Variants in COL28A1 observed in about 807,000 individuals in gnomAD.
The protein encoded by COL28A1 is collagen type XXVIII alpha 1 chain, also known as collagen alpha-1(XXVIII) chain.
COL28A1 carries 161 observed loss-of-function variants against 150.2 expected under a neutral mutation model. The ratio of observed to expected loss-of-function variants is 1.07; its 90% confidence interval spans 0.94 to 1.22. The LOEUF (loss-of-function observed/expected upper bound fraction) is 1.22. COL28A1 is among the 50% of genes most tolerant of loss of function. The probability of loss-of-function intolerance (pLI) is 0.00; values close to 1 mark genes in which losing one functional copy is unlikely to be tolerated. For missense variants in COL28A1, 1,617 were observed against 1,388.3 expected, an observed-to-expected ratio of 1.16 and a Z score of -2.62; for synonymous variants, 552 against 469.7, an observed-to-expected ratio of 1.18 and a Z score of -2.26.
At chr7:7,349,859 G>C in the COL28A1 span, among the ~76,000 whole-genome samples, 2 of 152,170 alleles carry the variant, frequency 1.3e-5, no homozygotes, top group Admixed American at 6.6e-5. Context: ...GGTAGGGAGA[G>C]AGTAAGGGAG....
intron 7 of COL28A1, among the ~76,000 whole-genome samples, chr7:7,517,226 G>A (rs571987785): frequency 5.3e-5 from 8 of 152,076 alleles, no homozygotes; most frequent in Non-Finnish European, 1.2e-4. Context: ...GGGACAAGCA[G>A]AGAGGGGCAA....
intron 4 of COL28A1, among the ~76,000 whole-genome samples, chr7:7,522,531 C>T (rs1344739780): frequency 1.3e-5 from 2 of 152,102 alleles, no homozygotes; most frequent in South Asian, 2.1e-4. Context: ...TCAGTCATGA[C>T]AAAGTAGTTG....
intron 15 of COL28A1, among the ~76,000 whole-genome samples, chr7:7,474,070 A>AATATATATATATATGGAATAT (rs1788674820): frequency 1.4e-5 from 2 of 143,074 alleles, no homozygotes; most frequent in African/African-American, 5.2e-5. Context: ...ATATATATGG[A>AATATATATATATATGGAATAT]ATATATATAT....
chr7:7,377,149 G>T (rs949020729), intron 30 of COL28A1, among the ~76,000 whole-genome samples: 9 of 152,096 alleles, frequency 5.9e-5, no homozygotes, highest in Non-Finnish European at 1.2e-4. Flanking sequence ...TCACTTATAA[G>T]AGCAATGCAT....
At chr7:7,453,353 C>T (rs1411146764) in intron 17 of COL28A1, 87 bp downstream of exon 17, 1 of 802,440 alleles carries the variant, frequency 1.2e-6, no homozygotes, top group Admixed American at 2.0e-5. Flanking sequence ...TTCATTCTAC[C>T]TGCTGTCTTC....
chr7:7,342,499 A>C, the COL28A1 span, among the ~76,000 whole-genome samples: 4 of 151,696 alleles, frequency 2.6e-5, no homozygotes, highest in African/African-American at 4.9e-5. Context: ...TGATAGGACT[A>C]ACATTTTGTT....
At chr7:7,481,588 T>G (rs180843205) in intron 13 of COL28A1, among the ~76,000 whole-genome samples, 6 of 152,220 alleles carry the variant, frequency 3.9e-5, no homozygotes, top group African/African-American at 1.4e-4. Flanking sequence ...AACGAACACC[T>G]CTAATAAAAA....
chr7:7,492,577 T>G (rs1583495842), intron 11 of COL28A1, among the ~76,000 whole-genome samples: 1 of 110,634 alleles, frequency 9.0e-6, no homozygotes, highest in African/African-American at 3.7e-5. Context: ...AGAGTGAGAC[T>G]CCGTCTGTTA....
chr7:7,447,803 G>A (rs904053541), intron 18 of COL28A1, among the ~76,000 whole-genome samples: 1 of 152,106 alleles, frequency 6.6e-6, no homozygotes, highest in East Asian at 1.9e-4. Context: ...TAAACACAGA[G>A]AGAAAAGAGA....
chr7:7,416,425 A>G (rs758526626), intron 27 of COL28A1, among the ~76,000 whole-genome samples: 4 of 152,200 alleles, frequency 2.6e-5, no homozygotes, highest in Non-Finnish European at 5.9e-5. Flanking sequence ...CCCCAGGCCT[A>G]AAGACGTGGC....
the COL28A1 span, among the ~76,000 whole-genome samples, chr7:7,543,784 C>A: frequency 6.6e-6 from 1 of 150,940 alleles, no homozygotes; most frequent in Admixed American, 6.7e-5. Context: ...ATATATAATA[C>A]AACATTTAAT....
At chr7:7,377,174 T>C (rs896831410) in intron 30 of COL28A1, among the ~76,000 whole-genome samples, 1 of 152,212 alleles carries the variant, frequency 6.6e-6, no homozygotes, top group African/African-American at 2.4e-5. Flanking sequence ...CAAGGTTAGA[T>C]TTTAATTTTG....
At chr7:7,443,783 T>C (rs1037954933) in intron 19 of COL28A1, 130 bp from the exon 20 acceptor site, 22 of 1,298,532 alleles carry the variant, frequency 1.7e-5, no homozygotes, top group African/African-American at 7.5e-5. Context: ...ACCTTCACTC[T>C]AGTCTCAAAA....
chr7:7,517,275 T>C (rs1770355138), intron 7 of COL28A1, among the ~76,000 whole-genome samples: 1 of 152,182 alleles, frequency 6.6e-6, no homozygotes, highest in African/African-American at 2.4e-5. Context: ...TACACATCTC[T>C]GCTATTTGAT....
chr7:7,498,695 T>C (rs1316172760), intron 11 of COL28A1, among the ~76,000 whole-genome samples: 1 of 152,198 alleles, frequency 6.6e-6, no homozygotes, highest in East Asian at 1.9e-4. Context: ...AACTTGCTAT[T>C]GCAACTTACT....
chr7:7,418,029 A>G (rs1562592337), intron 26 of COL28A1, 102 bp from the exon 27 acceptor site: 1 of 903,632 alleles, frequency 1.1e-6, no homozygotes, highest in African/African-American at 1.7e-5. Context: ...CTTCAGTCTG[A>G]CCAGGACTTT....
intron 11 of COL28A1, among the ~76,000 whole-genome samples, chr7:7,495,461 A>T (rs1256155657): frequency 6.6e-6 from 1 of 152,154 alleles, no homozygotes; most frequent in Non-Finnish European, 1.5e-5. Context: ...AGTTGGGGAA[A>T]AAGAGAATTT....
rs757299565 is a variant in COL28A1 at position 7,360,502 on chromosome 7, T to C, written c.3093A>G (p.Glu1031=). The change falls in exon 34 of 35, where the codon GAA becomes GAG. Residue 1031 remains glutamate (E), a synonymous_variant. Transcript: ENST00000399429. ...ESLSVTRDQD[E]DDKAPEPTWA... ...ACGTTGGCTCTGGAGCCTTATCATCTTCATCCTGGTCTCTGGTGACACTCA... is the reference window on the plus strand; with the variant it reads ...ACGTTGGCTCTGGAGCCTTATCATCCTCATCCTGGTCTCTGGTGACACTCA... The C allele has an allele frequency of 1.2e-6, 2 of 1,605,830 alleles. No homozygotes were observed. Among genetic ancestry groups the C allele is most frequent in the Non-Finnish European group, 1.7e-6 (2 of 1,177,654 alleles).
At chr7:7,536,053 T>G, upstream of COL28A1, among the ~76,000 whole-genome samples, 1 of 152,198 alleles carries the variant, frequency 6.6e-6, no homozygotes, top group Non-Finnish European at 1.5e-5. Flanking sequence ...TTGAGAGAAC[T>G]TTCTACATTT....
Sources: allele counts gnomAD v4.1 joint callset (sites outside exome capture counted in the v4.1 genomes callset), GRCh38; gene constraint gnomAD v4.1.1; transcripts MANE v1.5; gene names NCBI Gene and HGNC (gene_info 2026-07-23, HGNC 2026-07-21).